Variants in VPS13B observed in about 807,000 individuals in gnomAD.
VPS13B encodes vacuolar protein sorting 13 homolog B, also known as intermembrane lipid transfer protein VPS13B.
In VPS13B, 285 loss-of-function variants were observed where a neutral mutation model predicts 426.4. The observed-to-expected ratio is 0.67, with a 90% confidence interval of 0.61 to 0.74. VPS13B has a LOEUF of 0.74. Among genes scored for constraint, VPS13B ranks in the 30% least tolerant of loss-of-function variants. VPS13B has a pLI of 0.00. For synonymous variants in VPS13B, 1,676 were observed against 1,676.4 expected (o/e 1.00, Z 0.01); for missense variants, 4,537 against 4,782.6 (o/e 0.95, Z 1.51).
chr8:99,828,323 G>A (rs1170164179), intron 51 of VPS13B, among the ~76,000 whole-genome samples: 2 of 147,252 alleles, frequency 1.4e-5, no homozygotes, highest in African/African-American at 2.5e-5. Context: ...ATTATGTAAT[G>A]CCCTTCTTTG....
intron 3 of VPS13B, among the ~76,000 whole-genome samples, chr8:99,047,484 T>C (rs1213457864): frequency 2.0e-5 from 3 of 152,128 alleles, no homozygotes; most frequent in African/African-American, 7.2e-5. Context: ...ACCAGCTTTT[T>C]GTTTCATTTA....
intron 17 of VPS13B, among the ~76,000 whole-genome samples, chr8:99,239,987 A>G (rs1816836637): frequency 1.3e-5 from 2 of 152,188 alleles, no homozygotes; most frequent in Admixed American, 6.5e-5. Flanking sequence ...AGATTAATGT[A>G]ACTTCTAAGT....
intron 3 of VPS13B, among the ~76,000 whole-genome samples, chr8:99,076,262 C>T (rs527589623): frequency 6.6e-6 from 1 of 152,094 alleles, no homozygotes; most frequent in Non-Finnish European, 1.5e-5. Context: ...CTGAGACTTA[C>T]TTTGTGGCCT....
chr8:99,579,502 A>G (rs1011046103), intron 33 of VPS13B, among the ~76,000 whole-genome samples: 2 of 152,024 alleles, frequency 1.3e-5, no homozygotes, highest in African/African-American at 4.8e-5. Context: ...GGTTCAAACA[A>G]TTCTCCTGCC....
At chr8:99,501,982 T>TTCCC in intron 26 of VPS13B, 124 bp downstream of exon 26, 4 of 1,110,494 alleles carry the variant, frequency 3.6e-6, no homozygotes, top group African/African-American at 1.6e-5. Context: ...TCTTTCCGTC[T>TTCCC]GTCTGTCTGT....
At chr8:99,542,935 T>G (rs1823709282) in intron 30 of VPS13B, among the ~76,000 whole-genome samples, 1 of 152,182 alleles carries the variant, frequency 6.6e-6, no homozygotes, top group East Asian at 1.9e-4. Flanking sequence ...TACCAATGAC[T>G]TTCTTCACAG....
chr8:99,467,096 C>T (rs1819148747), intron 23 of VPS13B, among the ~76,000 whole-genome samples: 1 of 152,068 alleles, frequency 6.6e-6, no homozygotes, highest in Non-Finnish European at 1.5e-5. Context: ...TCTCTGGCCT[C>T]CAGGGTTTGC....
At chr8:99,446,001 A>G (rs943571956) in intron 23 of VPS13B, among the ~76,000 whole-genome samples, 1 of 152,236 alleles carries the variant, frequency 6.6e-6, no homozygotes, top group Non-Finnish European at 1.5e-5. Context: ...CAATATGTCA[A>G]TACATTGGTA....
intron 17 of VPS13B, among the ~76,000 whole-genome samples, chr8:99,239,077 A>G (rs1457794152): frequency 6.6e-6 from 1 of 152,120 alleles, no homozygotes; most frequent in Non-Finnish European, 1.5e-5. Context: ...AGGCCCTTAC[A>G]TTTGACCTTT....
chr8:99,743,396 C>T (rs1809873155), intron 39 of VPS13B, among the ~76,000 whole-genome samples: 1 of 151,750 alleles, frequency 6.6e-6, no homozygotes, highest in South Asian at 2.1e-4. Context: ...GGCCATACTG[C>T]CCAAGGTAAT....
At chr8:99,734,182 C>T (rs1563888258) in intron 39 of VPS13B, among the ~76,000 whole-genome samples, 3 of 152,170 alleles carry the variant, frequency 2.0e-5, no homozygotes, top group South Asian at 4.1e-4. Context: ...TCATCCATGT[C>T]GTATCATGTA....
intron 16 of VPS13B, among the ~76,000 whole-genome samples, chr8:99,176,787 T>TTA (rs1000204409): frequency 1.3e-5 from 2 of 152,090 alleles, no homozygotes; most frequent in Admixed American, 1.3e-4. Context: ...GAGACTCTAA[T>TTA]AAGATTTGAG....
chr8:99,822,422 C>G (rs944177287), intron 50 of VPS13B, among the ~76,000 whole-genome samples: 2 of 152,226 alleles, frequency 1.3e-5, no homozygotes, highest in Non-Finnish European at 2.9e-5. Flanking sequence ...TGTTTATGCT[C>G]TGACGGCCAA....
At chr8:99,508,151 T>C (rs1474831201) in intron 28 of VPS13B, among the ~76,000 whole-genome samples, 1 of 152,188 alleles carries the variant, frequency 6.6e-6, no homozygotes, top group Non-Finnish European at 1.5e-5. Flanking sequence ...AGTAGGACAT[T>C]CATTATATTT....
rs745742179 is a variant in VPS13B at position 99,431,560 on chromosome 8, G to A, written c.3106G>A (p.Val1036Ile). The change falls in exon 22 of 62, where the codon GTT (valine) becomes ATT (isoleucine). Residue 1036 changes from valine (V) to isoleucine (I), a missense_variant. Physicochemically the swap from Val to Ile is conservative, Grantham distance 29. Transcript: ENST00000357162. ...AGAATCCCGCCCATTGTCAGTTCCT[G>A]TTAAAGCCATGTTGAATATATCTGA... ...VTESRPLSVP[V>I]KAMLNISESC... is the part of the protein sequence containing the mutation. 11 of 1,613,440 alleles carry A rather than the reference G, an allele frequency of 6.8e-6. No individual in the cohort carries two copies. Among genetic ancestry groups the A allele is most frequent in the East Asian group, 6.7e-5 (3 of 44,760 alleles).
At chr8:99,814,592 ATAT>A (rs1216745540) in intron 44 of VPS13B, among the ~76,000 whole-genome samples, 1 of 152,154 alleles carries the variant, frequency 6.6e-6, no homozygotes, top group Non-Finnish European at 1.5e-5. Flanking sequence ...TTACCTTCTC[ATAT>A]TATTAGCCAA....
rs1563519728 is a variant in VPS13B at position 99,870,884 on chromosome 8, T to C, written c.11492T>C (p.Val3831Ala). 1.2e-5 allele frequency: 19 copies of C among 1,613,916 alleles called. 1 individual carries two copies. The highest frequency in any genetic ancestry group is 1.5e-5 in the Non-Finnish European group (18 of 1,179,806). The change falls in exon 60 of 62, where the codon GTC (valine) becomes GCC (alanine). Residue 3831 changes from valine (V) to alanine (A), a missense_variant. Coordinates refer to ENST00000357162, the MANE Select transcript of VPS13B (RefSeq NM_152564.5). The part of the protein sequence containing the change: ...DQAPNSHVKY[V>A]WKMLQSLGRP... ...GCTCCAAACAGCCATGTCAAATATG[T>C]CTGGTAAAATTATTGAGATACGTGC... is the stretch of plus-strand genomic sequence containing the variant.
chr8:99,726,949 T>G (rs1313762597), intron 39 of VPS13B, among the ~76,000 whole-genome samples: 2 of 152,232 alleles, frequency 1.3e-5, no homozygotes, highest in African/African-American at 2.4e-5. Context: ...ATCTCTGTTA[T>G]TTTTGCTCCA....
chr8:99,284,846 C>T (rs1324055154), intron 19 of VPS13B, among the ~76,000 whole-genome samples: 1 of 152,142 alleles, frequency 6.6e-6, no homozygotes, highest in African/African-American at 2.4e-5. Context: ...TAGGCGTGAG[C>T]CACAGCACCT....
Sources: allele counts gnomAD v4.1 joint callset (sites outside exome capture counted in the v4.1 genomes callset), GRCh38; gene constraint gnomAD v4.1.1; transcripts MANE v1.5; gene names NCBI Gene and HGNC (gene_info 2026-07-23, HGNC 2026-07-21).